KCNMA1: variants seen among roughly 807,000 people sequenced by gnomAD.
KCNMA1 encodes the protein Calcium-activated potassium channel subunit alpha-1.
A neutral mutation model predicts 140.0 loss-of-function variants in KCNMA1; 29 were observed. That is an observed-to-expected ratio of 0.21 (90% CI 0.15 to 0.28). The LOEUF is 0.28. KCNMA1 is among the 10% of genes least tolerant of loss of function. The pLI, the probability that KCNMA1 is intolerant of heterozygous loss-of-function variation, is 1.00. For synonymous variants in KCNMA1, 612 were observed against 611.9 expected, an observed-to-expected ratio of 1.00 and a Z score of 0.00; for missense variants, 880 against 1,602.2, an observed-to-expected ratio of 0.55 and a Z score of 7.70.
chr10:77,174,842 G>C (rs780503497), intron 5 of KCNMA1, among the ~76,000 whole-genome samples: 4 of 152,174 alleles, frequency 2.6e-5, no homozygotes, highest in Non-Finnish European at 2.9e-5. Flanking sequence ...ATGCATACAA[G>C]TGGTTCTCAT....
chr10:76,938,020 C>T (rs539467593), intron 23 of KCNMA1, among the ~76,000 whole-genome samples: 1 of 152,088 alleles, frequency 6.6e-6, no homozygotes, highest in Non-Finnish European at 1.5e-5. Flanking sequence ...TTGGCTCCTC[C>T]CTCCCCTGGG....
chr10:77,465,181 T>C (rs2097963912), intron 1 of KCNMA1, among the ~76,000 whole-genome samples: 1 of 152,210 alleles, frequency 6.6e-6, no homozygotes, highest in African/African-American at 2.4e-5. Context: ...AGCGTGGCAA[T>C]GAGGCCTTTG....
chr10:77,413,635 T>C (rs978991241), intron 1 of KCNMA1, among the ~76,000 whole-genome samples: 1 of 152,094 alleles, frequency 6.6e-6, no homozygotes, highest in Non-Finnish European at 1.5e-5. Flanking sequence ...CCCAGGTCTT[T>C]CCTAGAGCTG....
At chr10:77,597,938 G>T (rs2081402098) in intron 1 of KCNMA1, among the ~76,000 whole-genome samples, 1 of 152,160 alleles carries the variant, frequency 6.6e-6, no homozygotes, top group Non-Finnish European at 1.5e-5. Context: ...ATCATTGGCT[G>T]CATTCACTTC....
At chr10:77,453,799 G>A (rs1267719056) in intron 1 of KCNMA1, among the ~76,000 whole-genome samples, 1 of 152,194 alleles carries the variant, frequency 6.6e-6, no homozygotes, top group Non-Finnish European at 1.5e-5. Context: ...ATGTGTGAAA[G>A]CTATCCAAGG....
At chr10:77,301,523 T>A (rs560738800) in intron 2 of KCNMA1, among the ~76,000 whole-genome samples, 3 of 152,248 alleles carry the variant, frequency 2.0e-5, no homozygotes, top group African/African-American at 7.2e-5. Context: ...CCCCCTTCTT[T>A]TTCCTCTTGC....
chr10:77,309,852 TC>T (rs1256848760), intron 2 of KCNMA1, among the ~76,000 whole-genome samples: 1 of 152,200 alleles, frequency 6.6e-6, no homozygotes, highest in Non-Finnish European at 1.5e-5. Flanking sequence ...CTCTCTGGTC[TC>T]AGTTCCTCAT....
intron 1 of KCNMA1, among the ~76,000 whole-genome samples, chr10:77,537,515 C>G (rs1476958007): frequency 6.6e-6 from 1 of 152,222 alleles, no homozygotes; most frequent in Non-Finnish European, 1.5e-5. Context: ...TGGAAAGCAT[C>G]TTCCCTATGG....
At chr10:77,179,888 T>C (rs1367129473) in intron 5 of KCNMA1, among the ~76,000 whole-genome samples, 2 of 152,208 alleles carry the variant, frequency 1.3e-5, no homozygotes. Flanking sequence ...AGGAGCTGAC[T>C]ACATAGTAGT....
chr10:77,089,727 T>C (rs1355256948), intron 10 of KCNMA1, among the ~76,000 whole-genome samples: 1 of 152,146 alleles, frequency 6.6e-6, no homozygotes, highest in African/African-American at 2.4e-5. Flanking sequence ...ACAGCCCAAC[T>C]AGGTAGGAAC....
At chr10:77,616,774 C>A (rs2089678480) in intron 1 of KCNMA1, among the ~76,000 whole-genome samples, 1 of 151,826 alleles carries the variant, frequency 6.6e-6, no homozygotes, top group Non-Finnish European at 1.5e-5. Flanking sequence ...CCACTGCACT[C>A]CAGTCTGGGC....
At chr10:77,210,330 T>C (rs1282073795) in intron 3 of KCNMA1, among the ~76,000 whole-genome samples, 4 of 152,142 alleles carry the variant, frequency 2.6e-5, no homozygotes, top group Non-Finnish European at 4.4e-5. Context: ...ATCATCTCAA[T>C]AGCCTCAGAA....
intron 1 of KCNMA1, among the ~76,000 whole-genome samples, chr10:77,560,356 G>T (rs1373855737): frequency 5.9e-5 from 9 of 152,164 alleles, no homozygotes; most frequent in Non-Finnish European, 1.2e-4. Context: ...TTACATACAT[G>T]AACATAAGTA....
intron 15 of KCNMA1, among the ~76,000 whole-genome samples, chr10:77,034,800 T>A (rs12248514): frequency 6.6e-6 from 1 of 152,144 alleles, no homozygotes; most frequent in Non-Finnish European, 1.5e-5. Context: ...GAGAGACACA[T>A]ACCATATTTT....
intron 12 of KCNMA1, among the ~76,000 whole-genome samples, chr10:77,083,825 A>C (rs554831058): frequency 1.7e-5 from 2 of 118,284 alleles, no homozygotes; most frequent in African/African-American, 6.7e-5. Flanking sequence ...ATAGTGCGAG[A>C]CTCTGTCTCT....
chr10:77,508,789 A>G (rs1035631839), intron 1 of KCNMA1, among the ~76,000 whole-genome samples: 3 of 151,964 alleles, frequency 2.0e-5, no homozygotes. Flanking sequence ...CCCTGTAACC[A>G]AAAACATCTC....
intron 19 of KCNMA1, chr10:76,970,329 G>GAAAAAAA (rs10563488): frequency 1.1e-5 from 2 of 183,240 alleles, no homozygotes; most frequent in East Asian, 1.2e-4. Flanking sequence ...CCTGCCATAA[G>GAAAAAAA]AAAAAAAAAA....
At chr10:77,434,993 T>G (rs896604660) in intron 1 of KCNMA1, among the ~76,000 whole-genome samples, 1 of 152,152 alleles carries the variant, frequency 6.6e-6, no homozygotes, top group Non-Finnish European at 1.5e-5. Context: ...TCACTCTGCC[T>G]CCTAGGATGG....
At chr10:77,563,022 C>A (rs1490585485) in intron 1 of KCNMA1, among the ~76,000 whole-genome samples, 1 of 151,576 alleles carries the variant, frequency 6.6e-6, no homozygotes. Context: ...TTGATCTCAG[C>A]CCAAAGGTGA....
Sources: allele counts gnomAD v4.1 joint callset (sites outside exome capture counted in the v4.1 genomes callset), GRCh38; gene constraint gnomAD v4.1.1; transcripts MANE v1.5; gene names NCBI Gene and HGNC (gene_info 2026-07-23, HGNC 2026-07-21).